The following FOCAD variants were observed in gnomAD, a reference collection of about 807,000 sequenced individuals.
The protein encoded by FOCAD is focadhesin, also known as KIAA1797.
FOCAD carries 198 observed loss-of-function variants against 225.6 expected under a neutral mutation model. The observed-to-expected ratio is 0.88, with a 90% confidence interval of 0.78 to 0.99. The LOEUF (loss-of-function observed/expected upper bound fraction) is 0.99, where lower values mean the gene tolerates loss of function less well. Among genes scored for constraint, FOCAD ranks in the 50% least tolerant of loss-of-function variants. The probability of loss-of-function intolerance (pLI) is 0.00; values close to 1 mark genes in which losing one functional copy is unlikely to be tolerated. For missense variants in FOCAD, 2,713 were observed against 2,123.6 expected, an observed-to-expected ratio of 1.28 and a Z score of -5.46; for synonymous variants, 897 against 755.0, an observed-to-expected ratio of 1.19 and a Z score of -3.08.
At chr9:20,732,559 G>C (rs1826801824) in intron 4 of FOCAD, among the ~76,000 whole-genome samples, 1 of 152,106 alleles carries the variant, frequency 6.6e-6, no homozygotes, top group Non-Finnish European at 1.5e-5. Context: ...TGATGATTTG[G>C]GTCTTTATCC....
At chr9:20,884,183 G>A (rs1830910818) in intron 20 of FOCAD, among the ~76,000 whole-genome samples, 1 of 152,080 alleles carries the variant, frequency 6.6e-6, no homozygotes, top group Non-Finnish European at 1.5e-5. Flanking sequence ...GTCAAGACTT[G>A]CAAATTTGTT....
chr9:20,868,986 G>A (rs1829532356), intron 18 of FOCAD, among the ~76,000 whole-genome samples: 1 of 152,160 alleles, frequency 6.6e-6, no homozygotes, highest in Non-Finnish European at 1.5e-5. Flanking sequence ...AGTCCAGAAA[G>A]TGTTCAATGT....
In FOCAD at chr9:20,658,341, T is replaced by G. The variant is rs994414772; in HGVS notation, c.-332T>G. 5.4e-3 allele frequency: 920 copies of G among 168,906 alleles called. 1 individual carries two copies. Among genetic ancestry groups the G allele is most frequent in the Admixed American group, 7.9e-3 (123 of 15,570 alleles). 10.5% of individuals were successfully genotyped at this position (168,906 alleles called of 1,614,324 possible). On this transcript the variant is annotated 5_prime_UTR_variant, in exon 1 of 46. Transcript: ENST00000380249. Reference sequence around the variant, plus strand: ...CTTCCCGGCTGCTTTGTTTACCTAATCAAGCCTGGGCAATGGCGGGCGCCC... The same window carrying G: ...CTTCCCGGCTGCTTTGTTTACCTAAGCAAGCCTGGGCAATGGCGGGCGCCC...
chr9:20,687,761 C>T (rs1409687549), intron 1 of FOCAD, among the ~76,000 whole-genome samples: 3 of 152,166 alleles, frequency 2.0e-5, no homozygotes, highest in African/African-American at 4.8e-5. Flanking sequence ...AGGTCCTTAA[C>T]TTATCTTTAA....
In FOCAD at chr9:20,705,924, GTTTTTTTTTTTTTTTT is replaced by G. The variant is rs59407171; in HGVS notation, c.-32-9384_-32-9369del. ...CTAGTTAGGCATTATTCAGTTTTAA[GTTTTTTTTTTTTTTTT>G]TTTTTTTTTTTTTAAACAGTGGCTG... On this transcript the variant is annotated intron_variant, in intron 1 of 43. Transcript: ENST00000338382. Among the ~76,000 whole-genome samples the G allele has an allele frequency of 1.9e-3, 203 of 106,912 alleles. No individual in the cohort carries two copies. The East Asian group carries it at 0.046, about 24-fold the overall frequency. 70.1% of individuals were successfully genotyped at this position (106,912 alleles called of 152,430 possible).
At chr9:20,894,510 T>C (rs897945924) in intron 21 of FOCAD, among the ~76,000 whole-genome samples, 2 of 152,108 alleles carry the variant, frequency 1.3e-5, no homozygotes, top group African/African-American at 2.4e-5. Flanking sequence ...TCCAAAGCCT[T>C]GTCAGCAATT....
intron 17 of FOCAD, 149 bp downstream of exon 17, chr9:20,866,125 T>G (rs1829207523): frequency 1.4e-6 from 1 of 694,176 alleles, no homozygotes; most frequent in Admixed American, 3.4e-5. Flanking sequence ...TTCATAAGTT[T>G]TGGTTTTAAA....
chr9:20,669,709 A>G (rs1278620166), intron 2 of FOCAD, among the ~76,000 whole-genome samples: 1 of 152,200 alleles, frequency 6.6e-6, no homozygotes, highest in Non-Finnish European at 1.5e-5. Flanking sequence ...CAGGAGGCAG[A>G]GGTTGCAGTG....
At chr9:20,815,123 G>GTGGTTTTTTT (rs1564024181) in intron 11 of FOCAD, among the ~76,000 whole-genome samples, 1 of 85,396 alleles carries the variant, frequency 1.2e-5, no homozygotes, top group Non-Finnish European at 2.2e-5. Flanking sequence ...ACTTCTCTTT[G>GTGGTTTTTTT]TTTTTTTTTT....
At chr9:20,704,539 G>T (rs191866885) in intron 1 of FOCAD, among the ~76,000 whole-genome samples, 2 of 152,266 alleles carry the variant, frequency 1.3e-5, no homozygotes, top group African/African-American at 4.8e-5. Flanking sequence ...TTTCCTAGCA[G>T]TCTACTTGGG....
At chr9:20,936,975 A>G (rs911576395) in intron 28 of FOCAD, among the ~76,000 whole-genome samples, 5 of 152,146 alleles carry the variant, frequency 3.3e-5, no homozygotes, top group Non-Finnish European at 7.4e-5. Context: ...ACTCCCATTC[A>G]CAATTGCTTC....
intron 11 of FOCAD, among the ~76,000 whole-genome samples, chr9:20,798,431 C>G (rs1403801041): frequency 6.6e-6 from 1 of 152,094 alleles, no homozygotes; most frequent in East Asian, 1.9e-4. Flanking sequence ...GGTACTAGCT[C>G]CTCCTTGTAC....
chr9:20,905,084 G>A (rs1386188840), intron 21 of FOCAD, among the ~76,000 whole-genome samples: 1 of 151,942 alleles, frequency 6.6e-6, no homozygotes, highest in East Asian at 1.9e-4. Flanking sequence ...AAGAGAAAAA[G>A]CAAGAAAGTG....
chr9:20,796,450 G>A (rs12376669), intron 11 of FOCAD, among the ~76,000 whole-genome samples: 30,340 of 152,006 alleles, frequency 0.2, 3,294 homozygotes, highest in Non-Finnish European at 0.25. Flanking sequence ...AAGTGTTCCT[G>A]TTTCTCCACA....
At chr9:20,668,817 A>G in intron 2 of FOCAD, among the ~76,000 whole-genome samples, 1 of 152,206 alleles carries the variant, frequency 6.6e-6, no homozygotes, top group Non-Finnish European at 1.5e-5. Flanking sequence ...AAGTAACAAC[A>G]TTCTGGACGG....
intron 7 of FOCAD, 93 bp from the exon 8 acceptor site, chr9:20,769,939 A>G: frequency 8.4e-7 from 1 of 1,189,832 alleles, no homozygotes; most frequent in Non-Finnish European, 1.2e-6. Flanking sequence ...AGGTTTAGAG[A>G]AAAAATTACA....
chr9:20,946,650 CT>C (rs1296588516), intron 29 of FOCAD, 50 bp from the exon 30 acceptor site: 1 of 1,567,170 alleles, frequency 6.4e-7, no homozygotes, highest in Non-Finnish European at 8.6e-7. Flanking sequence ...AAACCGAGTT[CT>C]TTTATTTTTC....
intron 36 of FOCAD, 82 bp downstream of exon 36, chr9:20,976,630 G>A (rs1840257699): frequency 1.4e-6 from 2 of 1,407,522 alleles, no homozygotes; most frequent in South Asian, 1.2e-5. Flanking sequence ...GTGTCACAAT[G>A]TGTAGTGACT....
At position 20,670,635 on chromosome 9, in the gene FOCAD, C is replaced by A. The variant is rs145714875; in HGVS notation, c.-78+11809C>A. On this transcript the variant is annotated intron_variant, in intron 2 of 45. Coordinates refer to the FOCAD transcript ENST00000380249. ...TCCAATCACTTCCCACCAAGTCCCT[C>A]CCTTGACAGACACGTGAGGATGACC... Among the ~76,000 whole-genome samples, 762 of 152,292 alleles carry A rather than the reference C, an allele frequency of 5.0e-3. 5 individuals carry two copies. The highest frequency in any genetic ancestry group is 0.017 in the African/African-American group (727 of 41,562).
Sources: gnomAD v4.1 joint callset for allele counts (sites outside exome capture counted in the v4.1 genomes callset) on GRCh38, gnomAD v4.1.1 for gene constraint, MANE v1.5 for transcripts, NCBI Gene and HGNC (gene_info 2026-07-23, HGNC 2026-07-21) for gene names.